Variants in SOX5 observed in about 807,000 individuals in gnomAD.
SOX5 encodes the protein SRY-box transcription factor 5, also known as transcription factor SOX-5.
A neutral mutation model predicts 92.0 loss-of-function variants in SOX5; 9 were observed. The observed-to-expected ratio is 0.10, with a 90% CI of 0.06 to 0.17. The LOEUF is 0.17. Among genes scored for constraint, SOX5 ranks in the 10% least tolerant of loss-of-function variants. The pLI is 1.00. For missense variants in SOX5, 642 were observed against 944.5 expected, an observed-to-expected ratio of 0.68 and a Z score of 4.20; for synonymous variants, 344 against 336.3, an observed-to-expected ratio of 1.02 and a Z score of -0.25.
chr12:24,342,863 A>G (rs1389796988), intron 2 of SOX5, among the ~76,000 whole-genome samples: 1 of 152,204 alleles, frequency 6.6e-6, no homozygotes, highest in African/African-American at 2.4e-5. Context: ...TAAATAGAAA[A>G]CCTTTTTTAT....
chr12:23,782,064 A>G (rs1163010153), intron 3 of SOX5, among the ~76,000 whole-genome samples: 1 of 152,096 alleles, frequency 6.6e-6, no homozygotes, highest in Non-Finnish European at 1.5e-5. Context: ...GAAGCATGCA[A>G]CAAATGTGAA....
In SOX5 at chr12:23,534,140, A is replaced by T; in HGVS notation, c.*79T>A. 8.5e-7 allele frequency: 1 copy of T among 1,172,520 alleles called. No individual in the cohort carries two copies. The allele number at this position is 1,172,520 out of a possible 1,614,324, so 72.6% of individuals were successfully genotyped here. Reference sequence around the variant, plus strand: ...GTAACAGTCAGTGTATGAGAAAGTTAATGTGCTTGGCCACTGGTAAGGATG... The same window carrying T: ...GTAACAGTCAGTGTATGAGAAAGTTTATGTGCTTGGCCACTGGTAAGGATG... On this transcript the variant is annotated 3_prime_UTR_variant, in exon 15 of 15. Coordinates refer to ENST00000451604, the MANE Select transcript of SOX5 (RefSeq NM_006940.6).
intron 4 of SOX5, among the ~76,000 whole-genome samples, chr12:24,091,093 C>T (rs557172565): frequency 3.9e-5 from 6 of 152,144 alleles, no homozygotes; most frequent in African/African-American, 1.2e-4. Flanking sequence ...GTTCTATGTT[C>T]GCCAATTCAA....
At chr12:23,783,366 G>T (rs1439164174) in intron 3 of SOX5, among the ~76,000 whole-genome samples, 1 of 152,198 alleles carries the variant, frequency 6.6e-6, no homozygotes, top group Non-Finnish European at 1.5e-5. Flanking sequence ...ATTTCATTGT[G>T]TTGAAAGATG....
chr12:23,730,694 C>T (rs2140837096), intron 6 of SOX5, among the ~76,000 whole-genome samples: 1 of 152,266 alleles, frequency 6.6e-6, no homozygotes, highest in South Asian at 2.1e-4. Context: ...TCATAAAGAA[C>T]TGATCCTAAG....
chr12:23,978,013 C>A (rs1157496973), intron 4 of SOX5, among the ~76,000 whole-genome samples: 1 of 152,218 alleles, frequency 6.6e-6, no homozygotes. Context: ...GGACAGCTTG[C>A]ACACTGTATG....
At chr12:24,189,660 GT>G (rs1956336985) in intron 4 of SOX5, among the ~76,000 whole-genome samples, 1 of 152,070 alleles carries the variant, frequency 6.6e-6, no homozygotes, top group South Asian at 2.1e-4. Flanking sequence ...AATAGCTGTT[GT>G]TTTTTAGTTT....
chr12:24,467,504 T>C (rs560932502), intron 1 of SOX5, among the ~76,000 whole-genome samples: 1 of 151,946 alleles, frequency 6.6e-6, no homozygotes, highest in Non-Finnish European at 1.5e-5. Flanking sequence ...AACAAAATGT[T>C]TGCAAATGCA....
In SOX5 at chr12:24,151,815, G is replaced by A. The variant is rs183824753; in HGVS notation, c.-2+61528C>T. On this transcript the variant is annotated intron_variant, in intron 4 of 4. Coordinates refer to the SOX5 transcript ENST00000446891. ...TGCAGAAAACCTGTGGATAGACAAC[G>A]TCTCTCTCTCTTGAAAGTGAGTTCA... is the stretch of plus-strand genomic sequence containing the variant. 1.8e-3 allele frequency among the ~76,000 whole-genome samples: 267 copies of A among 151,872 alleles called. 1 individual carries two copies. The highest frequency in any genetic ancestry group is 0.014 in the South Asian group (67 of 4,818).
At chr12:23,671,075 G>A (rs2084698629) in intron 6 of SOX5, among the ~76,000 whole-genome samples, 1 of 152,036 alleles carries the variant, frequency 6.6e-6, no homozygotes, top group Admixed American at 6.6e-5. Context: ...AGGCCTGGAT[G>A]GCATCACCAG....
intron 4 of SOX5, among the ~76,000 whole-genome samples, chr12:23,960,980 T>C (rs1490306576): frequency 2.6e-5 from 4 of 152,154 alleles, no homozygotes; most frequent in African/African-American, 9.7e-5. Flanking sequence ...GTGAAGCTAA[T>C]CTACTATGTT....
chr12:24,416,716 T>C (rs1355451175), intron 1 of SOX5, among the ~76,000 whole-genome samples: 1 of 152,200 alleles, frequency 6.6e-6, no homozygotes, highest in Non-Finnish European at 1.5e-5. Context: ...CTTTGAGCGA[T>C]GATAGTCAAA....
intron 4 of SOX5, among the ~76,000 whole-genome samples, chr12:24,053,184 C>CG (rs1185946780): frequency 6.9e-6 from 1 of 145,430 alleles, no homozygotes; most frequent in Non-Finnish European, 1.5e-5. Flanking sequence ...GCACGCCCCC[C>CG]CCCTTTTTTT....
At chr12:24,086,322 G>T (rs1201812681) in intron 4 of SOX5, among the ~76,000 whole-genome samples, 1 of 151,828 alleles carries the variant, frequency 6.6e-6, no homozygotes, top group Non-Finnish European at 1.5e-5. Flanking sequence ...TTTCTCCTAA[G>T]ACATGATTAC....
At chr12:24,185,939 C>T (rs555347622) in intron 4 of SOX5, among the ~76,000 whole-genome samples, 1 of 152,182 alleles carries the variant, frequency 6.6e-6, no homozygotes, top group East Asian at 1.9e-4. Context: ...GGCTTCATAC[C>T]TAAGACTATC....
At chr12:24,118,923 C>T (rs1025192529) in intron 4 of SOX5, among the ~76,000 whole-genome samples, 8 of 152,096 alleles carry the variant, frequency 5.3e-5, no homozygotes, top group African/African-American at 1.9e-4. Context: ...ACTGGAAAGA[C>T]AAGCACTGAA....
At chr12:23,754,624 G>A (rs866482774) in intron 4 of SOX5, among the ~76,000 whole-genome samples, 3 of 151,670 alleles carry the variant, frequency 2.0e-5, no homozygotes, top group Non-Finnish European at 4.4e-5. Flanking sequence ...AACATTTTCC[G>A]GAAGTTTTTA....
At chr12:23,878,971 G>A (rs959941917) in intron 2 of SOX5, among the ~76,000 whole-genome samples, 3 of 152,062 alleles carry the variant, frequency 2.0e-5, no homozygotes, top group Admixed American at 6.6e-5. Flanking sequence ...AGTGAAGTTT[G>A]CCAGAATCTT....
chr12:23,977,828 T>C (rs1251358249), intron 4 of SOX5, among the ~76,000 whole-genome samples: 5 of 152,166 alleles, frequency 3.3e-5, no homozygotes, highest in African/African-American at 1.2e-4. Context: ...TCACCCCACC[T>C]ATTGGTTCTA....
Sources: allele counts gnomAD v4.1 joint callset (sites outside exome capture counted in the v4.1 genomes callset), GRCh38; gene constraint gnomAD v4.1.1; transcripts MANE v1.5; gene names NCBI Gene and HGNC (gene_info 2026-07-23, HGNC 2026-07-21).